The following PCDHGA7 variants were observed in gnomAD, a reference collection of about 807,000 sequenced individuals.
PCDHGA7 encodes protocadherin gamma subfamily A, 7.
A neutral mutation model predicts 58.3 loss-of-function variants in PCDHGA7; 44 were observed. That is an observed-to-expected ratio of 0.75 (90% confidence interval 0.59 to 0.97). PCDHGA7 has a LOEUF of 0.97. PCDHGA7 is among the 50% of genes least tolerant of loss of function. The probability of loss-of-function intolerance (pLI) is 0.00; values close to 1 mark genes in which losing one functional copy is unlikely to be tolerated. For synonymous variants in PCDHGA7, 516 were observed against 504.2 expected (o/e 1.02, Z -0.31); for missense variants, 1,266 against 1,188.7 (o/e 1.06, Z -0.96).
At chr5:141,415,342 T>C (rs1305683222) in intron 1 of PCDHGA7, 2 of 1,614,108 alleles carry the variant, frequency 1.2e-6, no homozygotes, top group African/African-American at 2.7e-5. Context: ...GCTGCGGCGC[T>C]GGCACAAGTC....
At chr5:141,420,086 TAC>T (rs1396904191) in intron 1 of PCDHGA7, 2 of 1,614,002 alleles carry the variant, frequency 1.2e-6, no homozygotes, top group Non-Finnish European at 1.7e-6. Context: ...TCCCCCCAAC[TAC>T]AGTGAGGGAA....
intron 1 of PCDHGA7, chr5:141,390,294 TA>T: frequency 6.2e-7 from 1 of 1,613,956 alleles, no homozygotes; most frequent in South Asian, 1.1e-5. Flanking sequence ...GAGTTTCCTT[TA>T]AGTATAATTT....
At chr5:141,453,331 C>G (rs1224258701) in intron 1 of PCDHGA7, among the ~76,000 whole-genome samples, 1 of 151,962 alleles carries the variant, frequency 6.6e-6, no homozygotes, top group East Asian at 1.9e-4. Flanking sequence ...TGGGGTCTCA[C>G]TATGTTTCCC....
intron 2 of PCDHGA7, among the ~76,000 whole-genome samples, chr5:141,501,075 A>C (rs980856799): frequency 6.6e-6 from 1 of 151,366 alleles, no homozygotes; most frequent in African/African-American, 2.4e-5. Context: ...CACCATGTTG[A>C]CCAGGATGGT....
intron 1 of PCDHGA7, among the ~76,000 whole-genome samples, chr5:141,443,764 C>A (rs1351060316): frequency 6.6e-6 from 1 of 151,708 alleles, no homozygotes; most frequent in Non-Finnish European, 1.5e-5. Flanking sequence ...TTACAATATA[C>A]AATATTACCA....
At chr5:141,470,252 C>T (rs1010559144) in intron 1 of PCDHGA7, among the ~76,000 whole-genome samples, 3 of 152,160 alleles carry the variant, frequency 2.0e-5, no homozygotes, top group Admixed American at 1.3e-4. Context: ...TCCCACCTGT[C>T]TAAATGGAGA....
intron 1 of PCDHGA7, chr5:141,421,806 A>C (rs1027166084): frequency 4.3e-6 from 7 of 1,613,724 alleles, no homozygotes; most frequent in Non-Finnish European, 5.1e-6. Flanking sequence ...CCAAGAATCC[A>C]GAGCTAGTAC....
At chr5:141,478,423 C>A (rs1355847104) in intron 1 of PCDHGA7, 1 of 1,613,672 alleles carries the variant, frequency 6.2e-7, no homozygotes, top group Admixed American at 1.7e-5. Context: ...CCCGCCGCAG[C>A]GACCCGCTGC....
At chr5:141,497,203 G>C (rs750138875) in intron 2 of PCDHGA7, among the ~76,000 whole-genome samples, 3 of 91,718 alleles carry the variant, frequency 3.3e-5, no homozygotes, top group African/African-American at 2.8e-4. Flanking sequence ...AACAATGTGA[G>C]TGTAATGGGG....
At chr5:141,387,707 C>A (rs1441500005) in intron 1 of PCDHGA7, 1 of 994,952 alleles carries the variant, frequency 1.0e-6, no homozygotes, top group Non-Finnish European at 1.5e-6. Flanking sequence ...CAGGGCAGCC[C>A]CAGCTCAGAC....
In PCDHGA7 at chr5:141,477,294, C is replaced by G. The variant is rs753131175; in HGVS notation, c.2425-17513C>G. On this transcript the variant is annotated intron_variant, in intron 1 of 3. Coordinates refer to ENST00000518325, the MANE Select transcript of PCDHGA7 (RefSeq NM_018920.4). This position sits in a 1 kb window ranked among gnomAD's most constrained non-coding sequence, Gnocchi z 4.9. ...GGGCTGGTGACCTGCGAAGTTCCACCGGGTCTCCCTTTCAGCCTTACTTCT... is the reference window on the plus strand; with the variant it reads ...GGGCTGGTGACCTGCGAAGTTCCACGGGGTCTCCCTTTCAGCCTTACTTCT... The G allele has an allele frequency of 2.1e-5, 34 of 1,614,024 alleles. No individual in the cohort carries two copies. Among genetic ancestry groups the G allele is most frequent in the Non-Finnish European group, 2.9e-5 (34 of 1,180,036 alleles).
At chr5:141,428,189 C>G in intron 1 of PCDHGA7, 1 of 1,429,262 alleles carries the variant, frequency 7.0e-7, no homozygotes, top group African/African-American at 1.4e-5. Flanking sequence ...ACAGCCGCCG[C>G]TCTCTGCGCC....
chr5:141,386,716 C>A (rs2090679680), intron 1 of PCDHGA7, among the ~76,000 whole-genome samples: 1 of 152,024 alleles, frequency 6.6e-6, no homozygotes. Context: ...TTGCTGACAC[C>A]AACAATGTTA....
chr5:141,481,261 C>T lies in PCDHGA7; in HGVS notation c.2425-13546C>T, dbSNP rs2099534823. ...TACATAGCATAGCTCTAAAAGATCA[C>T]TGTAGGAAGACATAAAATGGTATTT... On this transcript the variant is annotated intron_variant, in intron 1 of 3. Coordinates refer to ENST00000518325, the MANE Select transcript of PCDHGA7 (RefSeq NM_018920.4). Among the ~76,000 whole-genome samples, 3 of 152,252 alleles carry T rather than the reference C, an allele frequency of 2.0e-5. No individual in the cohort carries two copies. The East Asian group carries it at 5.8e-4, about 29-fold the overall frequency.
intron 1 of PCDHGA7, among the ~76,000 whole-genome samples, chr5:141,481,913 C>CAAAA (rs34114744): frequency 1.1e-5 from 1 of 90,846 alleles, no homozygotes; most frequent in African/African-American, 4.2e-5. Context: ...AACTCCATCT[C>CAAAA]AAAAAAAAAA....
In PCDHGA7 at chr5:141,384,852, G is replaced by C; in HGVS notation, c.1953G>C (p.Gln651His). The C allele has an allele frequency of 6.2e-7, 1 of 1,613,646 alleles. No individual in the cohort carries two copies. Among genetic ancestry groups the C allele is most frequent in the Non-Finnish European group, 8.5e-7 (1 of 1,179,942 alleles). The change falls in exon 1 of 4, where the codon CAG becomes CAC. Residue 651 changes from glutamine (Q) to histidine (H), a missense_variant. Gln to His is a conservative substitution (Grantham distance 24). Transcript: ENST00000518325. ...SLVVAVQDHGQPPLSATVTLT... is the reference protein window; with the variant it reads ...SLVVAVQDHGHPPLSATVTLT... ...TGGTGGCCGTCCAGGACCACGGTCA[G>C]CCTCCTCTGTCAGCCACCGTCACAC...
In PCDHGA7 at chr5:141,486,836, G is replaced by C; in HGVS notation, c.2425-7971G>C. On this transcript the variant is annotated intron_variant, in intron 1 of 3. Coordinates refer to ENST00000518325, the MANE Select transcript of PCDHGA7 (RefSeq NM_018920.4). This position sits in a 1 kb window ranked among gnomAD's most constrained non-coding sequence, Gnocchi z 5.0. ...CAGCACTGTAACAGTTCGTCTATTT[G>C]TGCTGGACCTCAATGACAATGCTCC... 1 of 1,614,242 alleles carries C rather than the reference G, an allele frequency of 6.2e-7. No individual in the cohort carries two copies. The highest frequency in any genetic ancestry group is 8.5e-7 in the Non-Finnish European group (1 of 1,180,046).
In PCDHGA7 at chr5:141,404,546, G is replaced by A. The variant is rs753308273; in HGVS notation, c.2424+19223G>A. 11 of 1,613,800 alleles carry A rather than the reference G, an allele frequency of 6.8e-6. No individual in the cohort carries two copies. In the East Asian group the frequency reaches 2.2e-4, roughly 33 times the overall value. ...GCAGTTTAGAGATTTGCAAATGCAGGTGACGGCAAGTGACAGTGGAAGCCC... is the reference window on the plus strand; with the variant it reads ...GCAGTTTAGAGATTTGCAAATGCAGATGACGGCAAGTGACAGTGGAAGCCC... On this transcript the variant is annotated intron_variant, in intron 1 of 3. Transcript: ENST00000518325.
chr5:141,417,923 C>T, intron 1 of PCDHGA7: 1 of 1,608,652 alleles, frequency 6.2e-7, no homozygotes, highest in Non-Finnish European at 8.5e-7. Context: ...TCCTTTGCTG[C>T]TGCCTTTGTT....
Sources: gnomAD v4.1 joint callset for allele counts (sites outside exome capture counted in the v4.1 genomes callset) on GRCh38, gnomAD v4.1.1 for gene constraint, Gnocchi (gnomAD v3.1) non-coding constraint, MANE v1.5 for transcripts, NCBI Gene and HGNC (gene_info 2026-07-23, HGNC 2026-07-21) for gene names.